The following RBFOX1 variants were observed in gnomAD, a reference collection of about 807,000 sequenced individuals.
RBFOX1 encodes the protein RNA binding protein fox-1 homolog 1.
A neutral mutation model predicts 57.7 loss-of-function variants in RBFOX1; 8 were observed. The ratio of observed to expected loss-of-function variants is 0.14; its 90% CI spans 0.08 to 0.25. The LOEUF is 0.25. RBFOX1 is among the 10% of genes least tolerant of loss of function. The pLI is 1.00. For synonymous variants in RBFOX1, 326 were observed against 222.4 expected, an observed-to-expected ratio of 1.47 and a Z score of -4.15; for missense variants, 611 against 548.5, an observed-to-expected ratio of 1.11 and a Z score of -1.14.
chr16:6,695,017 G>A (rs2060807686), intron 3 of RBFOX1, among the ~76,000 whole-genome samples: 1 of 152,064 alleles, frequency 6.6e-6, no homozygotes, highest in Admixed American at 6.6e-5. Context: ...TCTAAAAGCT[G>A]CATTTCATAT....
intron 2 of RBFOX1, among the ~76,000 whole-genome samples, chr16:6,323,014 T>G (rs1428438052): frequency 6.6e-6 from 1 of 152,142 alleles, no homozygotes; most frequent in Non-Finnish European, 1.5e-5. Context: ...AGCTGCTGCA[T>G]AGCAGAGCTC....
chr16:7,675,621 AG>A (rs1440101374), intron 13 of RBFOX1, among the ~76,000 whole-genome samples: 1 of 152,214 alleles, frequency 6.6e-6, no homozygotes, highest in Non-Finnish European at 1.5e-5. Flanking sequence ...ATCTTGAAAG[AG>A]GCTTTTTGTA....
intron 3 of RBFOX1, among the ~76,000 whole-genome samples, chr16:5,856,223 A>T (rs1213991503): frequency 1.9e-5 from 1 of 52,506 alleles, no homozygotes; most frequent in Non-Finnish European, 3.8e-5. Context: ...ATATGTATAT[A>T]TATATGTATA....
chr16:5,988,609 G>A (rs953269674), intron 4 of RBFOX1, among the ~76,000 whole-genome samples: 1 of 152,070 alleles, frequency 6.6e-6, no homozygotes, highest in African/African-American at 2.4e-5. Context: ...ACTGAGTGCC[G>A]TGACACGGAC....
intron 1 of RBFOX1, among the ~76,000 whole-genome samples, chr16:6,197,447 G>A (rs141889334): frequency 2.0e-5 from 3 of 152,170 alleles, no homozygotes; most frequent in African/African-American, 7.2e-5. Flanking sequence ...GGACCTGCAA[G>A]CCAACACTGG....
intron 3 of RBFOX1, among the ~76,000 whole-genome samples, chr16:5,660,756 G>A (rs2049619442): frequency 6.6e-6 from 1 of 152,130 alleles, no homozygotes; most frequent in Admixed American, 6.5e-5. Flanking sequence ...GACGCTTTAA[G>A]ATGCCTGCTA....
At chr16:5,583,492 T>A (rs1270725940) in intron 2 of RBFOX1, among the ~76,000 whole-genome samples, 1 of 152,164 alleles carries the variant, frequency 6.6e-6, no homozygotes, top group Admixed American at 6.5e-5. Context: ...TCACTTTACT[T>A]TTTTTTGTCT....
At chr16:5,993,334 G>A (rs910297273) in intron 4 of RBFOX1, among the ~76,000 whole-genome samples, 10 of 137,330 alleles carry the variant, frequency 7.3e-5, no homozygotes, top group African/African-American at 2.9e-4. Context: ...ATTTGATAAT[G>A]CTGTACGTGT....
At chr16:7,157,398 G>T (rs1487544978) in intron 4 of RBFOX1, among the ~76,000 whole-genome samples, 1 of 152,138 alleles carries the variant, frequency 6.6e-6, no homozygotes, top group African/African-American at 2.4e-5. Context: ...TGCAGCCCAT[G>T]TAAAATGCAC....
At chr16:5,895,447 G>T (rs2058141683) in intron 4 of RBFOX1, among the ~76,000 whole-genome samples, 1 of 152,198 alleles carries the variant, frequency 6.6e-6, no homozygotes. Context: ...GCCAACCTCT[G>T]TGTCACTGAC....
chr16:5,260,171 A>T (rs774415469), intron 1 of RBFOX1, among the ~76,000 whole-genome samples: 1 of 152,206 alleles, frequency 6.6e-6, no homozygotes, highest in Non-Finnish European at 1.5e-5. Context: ...CTGCACTCCA[A>T]TGTGGGTGAC....
intron 5 of RBFOX1, among the ~76,000 whole-genome samples, chr16:7,527,151 G>A (rs1196030770): frequency 6.6e-6 from 1 of 152,112 alleles, no homozygotes; most frequent in Non-Finnish European, 1.5e-5. Context: ...GAGCTGTTTT[G>A]TCAATACCAG....
chr16:7,491,208 G>A (rs1488231602), intron 4 of RBFOX1, among the ~76,000 whole-genome samples: 2 of 151,914 alleles, frequency 1.3e-5, no homozygotes, highest in South Asian at 2.1e-4. Context: ...TTTGCTTTCC[G>A]GGCATTGCCA....
chr16:5,249,504 C>A (rs2062391409), intron 1 of RBFOX1, among the ~76,000 whole-genome samples: 1 of 152,340 alleles, frequency 6.6e-6, no homozygotes. Flanking sequence ...TCTTTTCTGA[C>A]TCTGTTCTAT....
chr16:7,049,702 C>T (rs186530381), intron 3 of RBFOX1, among the ~76,000 whole-genome samples: 51 of 152,188 alleles, frequency 3.4e-4, no homozygotes, highest in African/African-American at 1.1e-3. Context: ...CCTCCACTTG[C>T]TGCTTTTTAA....
Position 5,946,753 on chromosome 16 carries a change from C to T in RBFOX1, c.351+79418C>T, listed in dbSNP as rs2059407994. ...GGCCAGTCTTGTGGGACTGGGCCCTCAACCTGTGGAATCTGATTCTAACTC... is the reference window on the plus strand; with the variant it reads ...GGCCAGTCTTGTGGGACTGGGCCCTTAACCTGTGGAATCTGATTCTAACTC... On this transcript the variant is annotated intron_variant, in intron 4 of 19. Coordinates refer to the RBFOX1 transcript ENST00000641259. This position sits in a 1 kb window ranked among gnomAD's most constrained non-coding sequence, Gnocchi z 4.6. Among the ~76,000 whole-genome samples, 3 of 152,154 alleles carry T rather than the reference C, an allele frequency of 2.0e-5. No individual in the cohort carries two copies. Among genetic ancestry groups the T allele is most frequent in the South Asian group, 4.1e-4 (2 of 4,828 alleles).
chr16:6,877,890 A>G (rs1175927456), intron 3 of RBFOX1, among the ~76,000 whole-genome samples: 1 of 152,184 alleles, frequency 6.6e-6, no homozygotes, highest in Admixed American at 6.6e-5. Context: ...TTGCTTCCAG[A>G]CTAAGAACTT....
intron 4 of RBFOX1, among the ~76,000 whole-genome samples, chr16:7,312,339 C>T (rs578226485): frequency 6.6e-6 from 1 of 152,328 alleles, no homozygotes; most frequent in Non-Finnish European, 1.5e-5. Context: ...GAGATCGCGG[C>T]GTTGCACTCC....
At chr16:7,186,859 T>A (rs897903907) in intron 4 of RBFOX1, among the ~76,000 whole-genome samples, 1 of 151,388 alleles carries the variant, frequency 6.6e-6, no homozygotes, top group African/African-American at 2.4e-5. Flanking sequence ...GACTTATTTT[T>A]AAAATATAGC....
Sources: allele counts gnomAD v4.1 joint callset (sites outside exome capture counted in the v4.1 genomes callset), GRCh38; gene constraint gnomAD v4.1.1; non-coding constraint Gnocchi (gnomAD v3.1); transcripts MANE v1.5; gene names NCBI Gene and HGNC (gene_info 2026-07-23, HGNC 2026-07-21).